The following DOK6 variants were observed in gnomAD, a reference collection of about 807,000 sequenced individuals.
The protein encoded by DOK6 is docking protein 6.
A neutral mutation model predicts 44.0 loss-of-function variants in DOK6; 22 were observed. The ratio of observed to expected loss-of-function variants is 0.50; its 90% CI spans 0.36 to 0.71. The LOEUF (loss-of-function observed/expected upper bound fraction) is 0.71. Ranked by LOEUF, DOK6 falls within the 30% of genes least tolerant of loss-of-function variation. The pLI is 0.00. For synonymous variants in DOK6, 166 were observed against 145.5 expected (o/e 1.14, Z -1.01); for missense variants, 340 against 416.4 (o/e 0.82, Z 1.60).
At chr18:69,423,909 A>G (rs538852009) in intron 1 of DOK6, among the ~76,000 whole-genome samples, 265 of 152,352 alleles carry the variant, frequency 1.7e-3, no homozygotes, top group Middle Eastern at 3.4e-3. Context: ...TTATAATTCT[A>G]TGTACAGTTT....
At chr18:69,777,895 A>T (rs967816312) in intron 7 of DOK6, 3 of 152,192 alleles carry the variant, frequency 2.0e-5, no homozygotes, top group Admixed American at 1.3e-4. Context: ...CCAGGAAATC[A>T]TGAAAATCGG....
intron 1 of DOK6, among the ~76,000 whole-genome samples, chr18:69,534,912 G>A (rs1424137046): frequency 6.6e-6 from 1 of 151,966 alleles, no homozygotes; most frequent in African/African-American, 2.4e-5. Flanking sequence ...TTGAACGTTA[G>A]GCTCACTTCT....
intron 1 of DOK6, among the ~76,000 whole-genome samples, chr18:69,494,253 A>T (rs1292987339): frequency 6.6e-6 from 1 of 152,180 alleles, no homozygotes; most frequent in Non-Finnish European, 1.5e-5. Context: ...AGGTGAGCAG[A>T]TCATCTGAGG....
At position 69,682,989 on chromosome 18, in the gene DOK6, C is replaced by G. The variant is rs368151850; in HGVS notation, c.409+5136C>G. Among the ~76,000 whole-genome samples, 3 of 152,192 alleles carry G rather than the reference C, an allele frequency of 2.0e-5. No individual in the cohort carries two copies. In the South Asian group the frequency reaches 6.2e-4, roughly 32 times the overall value. On this transcript the variant is annotated intron_variant, in intron 4 of 7. Transcript: ENST00000382713. Reference sequence around the variant, plus strand: ...AAATAACCAGTTAATGACAAAACAACGGCCACAGTAACAATAGGCCTCTCT... The same window carrying G: ...AAATAACCAGTTAATGACAAAACAAGGGCCACAGTAACAATAGGCCTCTCT...
At chr18:69,812,038 T>C (rs760654570) in intron 7 of DOK6, among the ~76,000 whole-genome samples, 3 of 152,052 alleles carry the variant, frequency 2.0e-5, no homozygotes, top group Non-Finnish European at 4.4e-5. Context: ...ATTTAACAAA[T>C]ACATACATAC....
intron 1 of DOK6, among the ~76,000 whole-genome samples, chr18:69,420,649 A>G (rs1978465091): frequency 2.0e-5 from 3 of 152,062 alleles, no homozygotes; most frequent in African/African-American, 7.2e-5. Context: ...TTTATACAGG[A>G]AGCCCATGAA....
At chr18:69,484,159 T>G (rs1430958017) in intron 1 of DOK6, among the ~76,000 whole-genome samples, 2 of 151,976 alleles carry the variant, frequency 1.3e-5, no homozygotes, top group African/African-American at 4.8e-5. Context: ...ATAAAAAAAA[T>G]AATTAAATGT....
At chr18:69,429,616 GATACATATATAT>G (rs1323518129) in intron 1 of DOK6, among the ~76,000 whole-genome samples, 39 of 78,156 alleles carry the variant, frequency 5.0e-4, no homozygotes, top group Middle Eastern at 8.6e-3. Flanking sequence ...AATATTGAGG[GATACATATATAT>G]ATATATATAT....
chr18:69,694,575 T>C (rs1221910411), intron 4 of DOK6, among the ~76,000 whole-genome samples: 1 of 152,000 alleles, frequency 6.6e-6, no homozygotes, highest in Non-Finnish European at 1.5e-5. Flanking sequence ...CTCTAAATTT[T>C]ACCAACATAC....
intron 1 of DOK6, among the ~76,000 whole-genome samples, chr18:69,510,395 G>A (rs935841634): frequency 2.6e-5 from 4 of 152,132 alleles, no homozygotes; most frequent in African/African-American, 4.8e-5. Flanking sequence ...ATTTGCTTTT[G>A]TAAATATGGA....
chr18:69,447,653 A>T (rs180781916), intron 1 of DOK6, among the ~76,000 whole-genome samples: 1 of 152,282 alleles, frequency 6.6e-6, no homozygotes, highest in East Asian at 1.9e-4. Context: ...TAGCCAGGCC[A>T]TTAACAGCCC....
At chr18:69,454,925 G>C (rs1440307478) in intron 1 of DOK6, among the ~76,000 whole-genome samples, 3 of 117,208 alleles carry the variant, frequency 2.6e-5, no homozygotes, top group African/African-American at 9.6e-5. Flanking sequence ...GGGGGGAGGG[G>C]GGAGGGATAG....
intron 2 of DOK6, among the ~76,000 whole-genome samples, chr18:69,583,752 CAAAAAAAAAA>C (rs36222332): frequency 0.023 from 3,307 of 143,484 alleles, 86 homozygotes; most frequent in African/African-American, 0.065. Context: ...TCCATCCATA[CAAAAAAAAAA>C]AAAAAAAAAA....
At chr18:69,537,656 A>G (rs1982159084) in intron 1 of DOK6, among the ~76,000 whole-genome samples, 1 of 152,196 alleles carries the variant, frequency 6.6e-6, no homozygotes, top group Admixed American at 6.5e-5. Context: ...GGTGAATTTT[A>G]CACAAATATG....
At chr18:69,697,579 C>T (rs1206729668) in intron 4 of DOK6, among the ~76,000 whole-genome samples, 1 of 151,878 alleles carries the variant, frequency 6.6e-6, no homozygotes, top group Non-Finnish European at 1.5e-5. Flanking sequence ...GTAAGGCATA[C>T]CAAGTTCTTT....
At chr18:69,476,165 C>A (rs1187517159) in intron 1 of DOK6, among the ~76,000 whole-genome samples, 1 of 152,122 alleles carries the variant, frequency 6.6e-6, no homozygotes, top group Non-Finnish European at 1.5e-5. Context: ...TTTTCTGTTT[C>A]TGCGTTAATT....
intron 1 of DOK6, among the ~76,000 whole-genome samples, chr18:69,525,187 T>C (rs1176685565): frequency 6.6e-6 from 1 of 151,876 alleles, no homozygotes; most frequent in Non-Finnish European, 1.5e-5. Context: ...TTAGAGGTAA[T>C]TATACTTCAG....
intron 4 of DOK6, among the ~76,000 whole-genome samples, chr18:69,695,745 T>A (rs1369486393): frequency 6.6e-6 from 1 of 152,214 alleles, no homozygotes; most frequent in Non-Finnish European, 1.5e-5. Context: ...TCTTAGAAAT[T>A]AGCTGTTAGG....
intron 3 of DOK6, among the ~76,000 whole-genome samples, chr18:69,670,510 A>ATTT (rs34425516): frequency 0.017 from 2,316 of 137,066 alleles, 54 homozygotes; most frequent in African/African-American, 0.039. Flanking sequence ...TTGTGCATCA[A>ATTT]TTTTTTTTTT....
Sources: gnomAD v4.1 joint callset for allele counts (sites outside exome capture counted in the v4.1 genomes callset) on GRCh38, gnomAD v4.1.1 for gene constraint, MANE v1.5 for transcripts, NCBI Gene and HGNC (gene_info 2026-07-23, HGNC 2026-07-21) for gene names.